B3GALT1: variants seen among roughly 807,000 people sequenced by gnomAD.
The protein encoded by B3GALT1 is beta-1,3-galactosyltransferase 1, also known as UDP-Gal:betaGlcNAc beta 1,3-galactosyltransferase, polypeptide 1.
B3GALT1 carries 10 observed loss-of-function variants against 23.2 expected under a neutral mutation model. The ratio of observed to expected loss-of-function variants is 0.43; its 90% CI spans 0.27 to 0.73. The LOEUF (loss-of-function observed/expected upper bound fraction) is 0.73. Ranked by LOEUF, B3GALT1 falls within the 30% of genes least tolerant of loss-of-function variation. B3GALT1 has a pLI of 0.21. For missense variants in B3GALT1, 299 were observed against 405.4 expected, an observed-to-expected ratio of 0.74 and a Z score of 2.25; for synonymous variants, 156 against 141.5, an observed-to-expected ratio of 1.10 and a Z score of -0.73.
intron 3 of B3GALT1, among the ~76,000 whole-genome samples, chr2:167,801,702 T>G (rs1018249680): frequency 1.3e-5 from 2 of 152,218 alleles, no homozygotes; most frequent in African/African-American, 4.8e-5. Flanking sequence ...ATAAATGTTT[T>G]TATCTGCTAT....
chr2:167,552,255 A>G (rs902630357), intron 2 of B3GALT1, among the ~76,000 whole-genome samples: 11 of 152,180 alleles, frequency 7.2e-5, no homozygotes, highest in African/African-American at 2.4e-4. Flanking sequence ...CCTTGACTAT[A>G]TGATTACCAA....
At chr2:167,687,903 T>C (rs1310162711) in intron 3 of B3GALT1, among the ~76,000 whole-genome samples, 2 of 152,124 alleles carry the variant, frequency 1.3e-5, no homozygotes, top group African/African-American at 2.4e-5. Flanking sequence ...TTGCAGATAG[T>C]TTAAGGTACC....
intron 2 of B3GALT1, among the ~76,000 whole-genome samples, chr2:167,507,390 C>A: frequency 6.6e-6 from 1 of 150,828 alleles, no homozygotes; most frequent in Middle Eastern, 3.4e-3. Context: ...ACCTGTAATC[C>A]CAGCTACTCA....
intron 3 of B3GALT1, among the ~76,000 whole-genome samples, chr2:167,735,296 A>G (rs368671070): frequency 8.5e-5 from 13 of 152,344 alleles, no homozygotes; most frequent in Admixed American, 2.0e-4. Flanking sequence ...TTGCCAATAA[A>G]TTCTGGGGGC....
chr2:167,331,904 T>TG (rs1458709317), intron 1 of B3GALT1, among the ~76,000 whole-genome samples: 3 of 152,134 alleles, frequency 2.0e-5, no homozygotes, highest in African/African-American at 4.8e-5. Context: ...AGTCTGCAGT[T>TG]GCGGTGGTTG....
intron 4 of B3GALT1, among the ~76,000 whole-genome samples, chr2:167,840,359 G>A (rs975645285): frequency 1.3e-5 from 2 of 151,916 alleles, no homozygotes; most frequent in African/African-American, 4.8e-5. Context: ...TCAAAAAGTG[G>A]GCAAAGGACA....
rs1696278405 is a variant in B3GALT1 at position 167,293,134 on chromosome 2, G to A, written c.-711G>A. 1 of 151,290 alleles carries A rather than the reference G, an allele frequency of 6.6e-6. No homozygotes were observed. The highest frequency in any genetic ancestry group is 2.4e-5 in the African/African-American group (1 of 41,326). 9.4% of individuals were successfully genotyped at this position (151,290 alleles called of 1,614,324 possible). On this transcript the variant is annotated 5_prime_UTR_variant, in exon 1 of 5. Transcript: ENST00000392690. ...CTGCTGCCCACCCCGCCGCGCCGCC[G>A]GCGCTGCCGGTCTTGCAGGCGGCCG...
At chr2:167,863,508 C>T (rs950706420) in intron 4 of B3GALT1, among the ~76,000 whole-genome samples, 1 of 152,200 alleles carries the variant, frequency 6.6e-6, no homozygotes, top group Non-Finnish European at 1.5e-5. Context: ...TGTGCCCTCT[C>T]TTTATGTTTA....
At chr2:167,868,489 T>TA (rs71397619) in intron 4 of B3GALT1, among the ~76,000 whole-genome samples, 15,656 of 141,764 alleles carry the variant, frequency 0.11, 934 homozygotes, top group African/African-American at 0.14. Context: ...ATGTCACTGT[T>TA]AAAAAAAAAA....
chr2:167,446,082 T>A (rs1698985113), intron 1 of B3GALT1, among the ~76,000 whole-genome samples: 1 of 152,228 alleles, frequency 6.6e-6, no homozygotes, highest in African/African-American at 2.4e-5. Flanking sequence ...CTCTCAGCAT[T>A]TGCTTGTCTG....
At chr2:167,443,828 C>T (rs1041854009) in intron 1 of B3GALT1, among the ~76,000 whole-genome samples, 30 of 152,146 alleles carry the variant, frequency 2.0e-4, no homozygotes, top group Admixed American at 5.9e-4. Flanking sequence ...GACAATTTGA[C>T]TTCCTCTTTT....
At chr2:167,430,496 A>T (rs1698690672) in intron 1 of B3GALT1, among the ~76,000 whole-genome samples, 1 of 152,186 alleles carries the variant, frequency 6.6e-6, no homozygotes, top group African/African-American at 2.4e-5. Context: ...GAAATCAAGA[A>T]GCTTCCAGGT....
At chr2:167,593,821 T>A (rs1279325102) in intron 2 of B3GALT1, among the ~76,000 whole-genome samples, 1 of 151,986 alleles carries the variant, frequency 6.6e-6, no homozygotes, top group East Asian at 1.9e-4. Flanking sequence ...TCAGGAATGA[T>A]GGATTTAAAG....
At chr2:167,416,827 G>T (rs1268232988) in intron 1 of B3GALT1, among the ~76,000 whole-genome samples, 1 of 152,196 alleles carries the variant, frequency 6.6e-6, no homozygotes, top group Non-Finnish European at 1.5e-5. Flanking sequence ...CCAGCTTTAA[G>T]ATTTCATGTT....
At chr2:167,806,628 G>C (rs1309544658) in intron 3 of B3GALT1, among the ~76,000 whole-genome samples, 1 of 152,134 alleles carries the variant, frequency 6.6e-6, no homozygotes, top group African/African-American at 2.4e-5. Flanking sequence ...TTATTGATTT[G>C]CATATGTTGA....
chr2:167,580,698 A>T (rs920396363), intron 2 of B3GALT1, among the ~76,000 whole-genome samples: 1 of 152,060 alleles, frequency 6.6e-6, no homozygotes, highest in East Asian at 1.9e-4. Context: ...ATAAAAAAAA[A>T]TTATTTACCA....
intron 1 of B3GALT1, among the ~76,000 whole-genome samples, chr2:167,299,062 A>T (rs1283225459): frequency 6.6e-6 from 1 of 152,180 alleles, no homozygotes; most frequent in Non-Finnish European, 1.5e-5. Flanking sequence ...CTAAAGTACT[A>T]ATTTGAAACA....
chr2:167,751,827 C>G (rs1362464510), intron 3 of B3GALT1, among the ~76,000 whole-genome samples: 2 of 152,130 alleles, frequency 1.3e-5, no homozygotes, highest in African/African-American at 2.4e-5. Flanking sequence ...TCTGATCAAA[C>G]GATGAGTAGA....
chr2:167,400,898 A>G (rs1410320673), intron 1 of B3GALT1, among the ~76,000 whole-genome samples: 4 of 152,106 alleles, frequency 2.6e-5, no homozygotes, highest in Non-Finnish European at 5.9e-5. Context: ...CACAGACAAG[A>G]ATGAAATAGG....
Sources: allele counts gnomAD v4.1 joint callset (sites outside exome capture counted in the v4.1 genomes callset), GRCh38; gene constraint gnomAD v4.1.1; transcripts MANE v1.5; gene names NCBI Gene and HGNC (gene_info 2026-07-23, HGNC 2026-07-21).